The following CYP2C18 variants were observed in gnomAD, a reference collection of about 807,000 sequenced individuals.
CYP2C18 encodes the protein cytochrome P450 family 2 subfamily C member 18, also known as cytochrome P450 2C18.
CYP2C18 carries 38 observed loss-of-function variants against 41.3 expected under a neutral mutation model. The ratio of observed to expected loss-of-function variants is 0.92; its 90% confidence interval spans 0.71 to 1.21. The LOEUF (loss-of-function observed/expected upper bound fraction) is 1.21. Among genes scored for constraint, CYP2C18 ranks in the 50% most tolerant of loss-of-function variants. The probability of loss-of-function intolerance (pLI) is 0.00; values close to 1 mark genes in which losing one functional copy is unlikely to be tolerated. For missense variants in CYP2C18, 635 were observed against 591.4 expected, an observed-to-expected ratio of 1.07 and a Z score of -0.77; for synonymous variants, 236 against 210.0, an observed-to-expected ratio of 1.12 and a Z score of -1.07.
chr10:94,687,714 T>C, intron 1 of CYP2C18, 56 bp from the exon 2 acceptor site: 3 of 1,466,784 alleles, frequency 2.0e-6, no homozygotes, highest in Non-Finnish European at 2.8e-6. Flanking sequence ...TCACGGACAA[T>C]ATATAGACCA....
Position 94,719,281 on chromosome 10 carries a change from T to C in CYP2C18, c.820-1115T>C, listed in dbSNP as rs77062265. Among the ~76,000 whole-genome samples, 1,284 of 152,260 alleles carry C rather than the reference T, an allele frequency of 8.4e-3. 22 individuals are homozygous for C. The highest frequency in any genetic ancestry group is 0.061 in the East Asian group (318 of 5,180). On this transcript the variant is annotated intron_variant, in intron 5 of 8. Transcript: ENST00000285979. ...AACATGGCTTAAACAAATAATGTGT[T>C]TATTTATTTCACATACAGGGTGTCA...
rs1847905401 is a variant in CYP2C18 at position 94,735,461 on chromosome 10, T to G, written c.*17T>G. On this transcript the variant is annotated 3_prime_UTR_variant, in exon 9 of 9. Coordinates refer to ENST00000285979, the MANE Select transcript of CYP2C18 (RefSeq NM_000772.3). ...CCTGTCTGAAGAAGGGCAGATAGTT[T>G]GGCTGCTCCTGTGCTGTCACCTGCA... 2.5e-6 allele frequency: 4 copies of G among 1,612,748 alleles called. No individual in the cohort carries two copies. The Admixed American group carries it at 6.7e-5, about 27-fold the overall frequency.
Position 94,694,924 on chromosome 10 carries a change from C to G in CYP2C18, c.489C>G (p.Pro163=). 6.2e-7 allele frequency: 1 copy of G among 1,611,962 alleles called. No individual in the cohort carries two copies. The highest frequency in any genetic ancestry group is 8.5e-7 in the Non-Finnish European group (1 of 1,179,568). Residue 163 remains proline (P), a synonymous_variant, in exon 4 of 9, where the codon CCC becomes CCG. Coordinates refer to ENST00000285979, the MANE Select transcript of CYP2C18 (RefSeq NM_000772.3). The part of the protein sequence containing the change: ...VEELRKTNAS[P]CDPTFILGCA... ...ATATTTCCAATCCTTTAGCCTCACC[C>G]TGTGATCCCACTTTCATCCTGGGCT...
intron 5 of CYP2C18, among the ~76,000 whole-genome samples, chr10:94,711,348 A>G (rs1227450327): frequency 6.6e-6 from 1 of 151,960 alleles, no homozygotes; most frequent in African/African-American, 2.4e-5. Context: ...ATATGTTACC[A>G]TGTTATCTTT....
intron 3 of CYP2C18, among the ~76,000 whole-genome samples, chr10:94,690,055 G>A (rs995441170): frequency 5.3e-5 from 8 of 151,976 alleles, no homozygotes; most frequent in Non-Finnish European, 1.0e-4. Context: ...GTGGCTCCCC[G>A]CACTCCATGG....
At chr10:94,695,109 T>A (rs757295163) in intron 4 of CYP2C18, 32 bp downstream of exon 4, 2 of 1,552,784 alleles carry the variant, frequency 1.3e-6, no homozygotes, top group South Asian at 2.4e-5. Flanking sequence ...CCTGAGATAT[T>A]ATTTTTGTTA....
intron 5 of CYP2C18, among the ~76,000 whole-genome samples, chr10:94,718,531 G>A (rs1847594652): frequency 6.6e-6 from 1 of 152,060 alleles, no homozygotes; most frequent in Non-Finnish European, 1.5e-5. Flanking sequence ...GATCTTATGG[G>A]AAAATCCTTC....
At chr10:94,700,142 G>A (rs2134185326) in intron 4 of CYP2C18, among the ~76,000 whole-genome samples, 1 of 152,240 alleles carries the variant, frequency 6.6e-6, no homozygotes. Flanking sequence ...AAGTTCATAT[G>A]GAACCAAAAA....
intron 1 of CYP2C18, 105 bp downstream of exon 1, chr10:94,684,092 T>G (rs1846838499): frequency 1.3e-6 from 1 of 768,866 alleles, no homozygotes; most frequent in Non-Finnish European, 1.9e-6. Context: ...TTGTATATAT[T>G]AATGGGGTAC....
At position 94,703,225 on chromosome 10, in the gene CYP2C18, TGAG is replaced by T. The variant is rs1293153345; in HGVS notation, c.643-3554_643-3552del. Among the ~76,000 whole-genome samples, 3 of 152,294 alleles carry T rather than the reference TGAG, an allele frequency of 2.0e-5. No individual in the cohort carries two copies. In the East Asian group the frequency reaches 5.8e-4, roughly 29 times the overall value. On this transcript the variant is annotated intron_variant, in intron 4 of 8. Transcript: ENST00000285979. Reference sequence around the variant, plus strand: ...GAGGCTCAGGGGTCAGGGACCCACTTGAGGAGGCAGTCTGTCCCTTAGCAGAGC... The same window carrying T: ...GAGGCTCAGGGGTCAGGGACCCACTTGAGGCAGTCTGTCCCTTAGCAGAGC...
At chr10:94,706,408 T>G (rs960548959) in intron 4 of CYP2C18, among the ~76,000 whole-genome samples, 14 of 152,178 alleles carry the variant, frequency 9.2e-5, no homozygotes, top group African/African-American at 3.4e-4. Flanking sequence ...TGTGATCTAT[T>G]TCATGTTGTT....
chr10:94,730,655 T>A (rs574030094), intron 7 of CYP2C18, among the ~76,000 whole-genome samples: 3 of 152,264 alleles, frequency 2.0e-5, no homozygotes, highest in African/African-American at 7.2e-5. Context: ...ATTTAAAAAC[T>A]GTCTTCTGGA....
intron 8 of CYP2C18, 61 bp from the exon 9 acceptor site, chr10:94,735,202 C>T: frequency 6.7e-7 from 1 of 1,497,308 alleles, no homozygotes; most frequent in Non-Finnish European, 9.3e-7. Flanking sequence ...ACTGCATACT[C>T]TTTGTGACTG....
At chr10:94,693,274 C>A (rs1847046855) in intron 3 of CYP2C18, among the ~76,000 whole-genome samples, 1 of 152,108 alleles carries the variant, frequency 6.6e-6, no homozygotes, top group South Asian at 2.1e-4. Context: ...GTACTGTCCT[C>A]ATGATAGCAA....
chr10:94,721,763 A>G (rs1434915849), intron 6 of CYP2C18, among the ~76,000 whole-genome samples: 1 of 152,082 alleles, frequency 6.6e-6, no homozygotes, highest in Non-Finnish European at 1.5e-5. Context: ...TTCTAGTTCC[A>G]TCCATGTTGC....
At position 94,706,859 on chromosome 10, in the gene CYP2C18, A is replaced by G. The variant is rs777237591; in HGVS notation, c.718A>G (p.Ile240Val). 8.7e-6 allele frequency: 14 copies of G among 1,611,846 alleles called. No individual in the cohort carries two copies. The East Asian group carries it at 2.5e-4, about 28-fold the overall frequency. Residue 240 changes from isoleucine (I) to valine (V), a missense_variant, in exon 5 of 9, where the codon ATT becomes GTT. Physicochemically the swap from Ile to Val is conservative, Grantham distance 29 (BLOSUM62 3). Coordinates refer to ENST00000285979, the MANE Select transcript of CYP2C18 (RefSeq NM_000772.3). ...HNKIAENFAY[I>V]KSYVLERIKE... ...TAAAATAGCTGAAAATTTTGCTTAC[A>G]TTAAAAGTTATGTATTGGAGAGAAT...
At chr10:94,693,126 C>T (rs1847042025) in intron 3 of CYP2C18, among the ~76,000 whole-genome samples, 1 of 152,092 alleles carries the variant, frequency 6.6e-6, no homozygotes, top group Non-Finnish European at 1.5e-5. Context: ...AACAAACCTG[C>T]ACGTTGTGCA....
chr10:94,729,987 G>A (rs1847801087), intron 7 of CYP2C18, among the ~76,000 whole-genome samples: 1 of 152,158 alleles, frequency 6.6e-6, no homozygotes, highest in Non-Finnish European at 1.5e-5. Context: ...TCTAAAGTAT[G>A]TTGAAAACTA....
At chr10:94,716,358 G>A (rs577250142) in intron 5 of CYP2C18, among the ~76,000 whole-genome samples, 1 of 152,230 alleles carries the variant, frequency 6.6e-6, no homozygotes, top group South Asian at 2.1e-4. Flanking sequence ...CTTTAAATGT[G>A]TCCCAGAGAT....
Sources: gnomAD v4.1 joint callset for allele counts (sites outside exome capture counted in the v4.1 genomes callset) on GRCh38, gnomAD v4.1.1 for gene constraint, MANE v1.5 for transcripts, NCBI Gene and HGNC (gene_info 2026-07-23, HGNC 2026-07-21) for gene names.